PMFBP1: variants seen among roughly 807,000 people sequenced by gnomAD.
The protein encoded by PMFBP1 is polyamine-modulated factor 1-binding protein 1.
PMFBP1 carries 131 observed loss-of-function variants against 137.8 expected under a neutral mutation model. The observed-to-expected ratio is 0.95, with a 90% CI of 0.82 to 1.10. The LOEUF is 1.10. Ranked by LOEUF, PMFBP1 falls within the 50% of genes least tolerant of loss-of-function variation. PMFBP1 has a pLI of 0.00. For synonymous variants in PMFBP1, 490 were observed against 450.4 expected (o/e 1.09, Z -1.11); for missense variants, 1,199 against 1,175.4 (o/e 1.02, Z -0.29).
chr16:72,131,448 T>C (rs2042548169), intron 10 of PMFBP1, among the ~76,000 whole-genome samples: 1 of 152,184 alleles, frequency 6.6e-6, no homozygotes, highest in Admixed American at 6.5e-5. Flanking sequence ...TACATTAGAA[T>C]AGAGAAAAAC....
At chr16:72,163,329 T>A (rs1213207124) in intron 3 of PMFBP1, among the ~76,000 whole-genome samples, 1 of 152,368 alleles carries the variant, frequency 6.6e-6, no homozygotes, top group South Asian at 2.1e-4. Flanking sequence ...ATTTAGAGAC[T>A]GACTTAAAGA....
At chr16:72,230,201 G>C in the PMFBP1 span, among the ~76,000 whole-genome samples, 1 of 152,074 alleles carries the variant, frequency 6.6e-6, no homozygotes, top group African/African-American at 2.4e-5. Flanking sequence ...CCAAGTTTAG[G>C]AAATATTTAA....
chr16:72,165,018 T>C (rs2144504317), intron 2 of PMFBP1, 102 bp from the exon 3 acceptor site: 9 of 1,304,776 alleles, frequency 6.9e-6, no homozygotes, highest in Non-Finnish European at 9.2e-6. Flanking sequence ...TGCTGGAAAT[T>C]TGTCCATCAA....
the PMFBP1 span, among the ~76,000 whole-genome samples, chr16:72,217,833 T>A: frequency 6.7e-6 from 1 of 149,564 alleles, no homozygotes; most frequent in Non-Finnish European, 1.5e-5. Context: ...AGTGAAAGTT[T>A]GTCTCAAAAA....
At chr16:72,190,489 G>T in the PMFBP1 span, among the ~76,000 whole-genome samples, 1 of 152,170 alleles carries the variant, frequency 6.6e-6, no homozygotes, top group Admixed American at 6.5e-5. Context: ...TACTGATGAA[G>T]AACTGATGGG....
At chr16:72,155,081 T>C (rs1251121095) in intron 3 of PMFBP1, among the ~76,000 whole-genome samples, 1 of 152,120 alleles carries the variant, frequency 6.6e-6, no homozygotes, top group Non-Finnish European at 1.5e-5. Context: ...ATCCACAATC[T>C]ATCTGAAATG....
At chr16:72,186,497 T>G in the PMFBP1 span, among the ~76,000 whole-genome samples, 1 of 152,094 alleles carries the variant, frequency 6.6e-6, no homozygotes, top group Non-Finnish European at 1.5e-5. Context: ...GAGCTGTAGA[T>G]GCGAGAATTC....
At chr16:72,142,315 T>C (rs1158348767) in intron 5 of PMFBP1, among the ~76,000 whole-genome samples, 1 of 152,120 alleles carries the variant, frequency 6.6e-6, no homozygotes, top group Admixed American at 6.6e-5. Context: ...TGGAAACTAA[T>C]TTAGAAGGAA....
chr16:72,213,774 AT>A, the PMFBP1 span, among the ~76,000 whole-genome samples: 2 of 152,256 alleles, frequency 1.3e-5, no homozygotes, highest in Admixed American at 1.3e-4. Context: ...GAAAACTGAT[AT>A]GATGGAATCT....
At position 72,170,338 on chromosome 16, in the gene PMFBP1, A is replaced by G. The variant is rs185456892; in HGVS notation, c.12+859T>C. ...CTCACCTCTTGGTAGGAGGTCTGTTAAAAAGCATATGGTACATGGGACAAT... is the reference window on the plus strand; with the variant it reads ...CTCACCTCTTGGTAGGAGGTCTGTTGAAAAGCATATGGTACATGGGACAAT... On this transcript the variant is annotated intron_variant, in intron 2 of 20. Coordinates refer to ENST00000237353, the MANE Select transcript of PMFBP1 (RefSeq NM_031293.3). 2.0e-5 allele frequency among the ~76,000 whole-genome samples: 3 copies of G among 152,120 alleles called. No homozygotes were observed. The East Asian group carries it at 5.8e-4, about 29-fold the overall frequency.
chr16:72,201,927 T>C, the PMFBP1 span, among the ~76,000 whole-genome samples: 13 of 152,330 alleles, frequency 8.5e-5, no homozygotes, highest in South Asian at 1.7e-3. Context: ...CTCATTTTCC[T>C]CCACCAAACT....
In PMFBP1 at chr16:72,123,000, T is replaced by G. The variant is rs775365417; in HGVS notation, c.2694-12A>C. 4 of 1,611,026 alleles carry G rather than the reference T, an allele frequency of 2.5e-6. No homozygotes were observed. The African/African-American group carries it at 5.3e-5, about 22-fold the overall frequency. ...TCTCATTGGCGACCCTGTAATAAAA[T>G]CACAGGAGAAAACAGCAGCCAGTCG... On this transcript the variant is annotated splice_polypyrimidine_tract_variant and intron_variant, in intron 18 of 20. Coordinates refer to ENST00000237353, the MANE Select transcript of PMFBP1 (RefSeq NM_031293.3).
At chr16:72,217,800 C>G in the PMFBP1 span, among the ~76,000 whole-genome samples, 3 of 152,066 alleles carry the variant, frequency 2.0e-5, no homozygotes, top group African/African-American at 4.8e-5. Context: ...TTGCAGTGAG[C>G]CAAGATCAGC....
At chr16:72,217,194 T>C in the PMFBP1 span, among the ~76,000 whole-genome samples, 1 of 152,186 alleles carries the variant, frequency 6.6e-6, no homozygotes, top group Non-Finnish European at 1.5e-5. Flanking sequence ...TGGTAAGGGT[T>C]TAACAACTGA....
At chr16:72,212,089 A>G in the PMFBP1 span, among the ~76,000 whole-genome samples, 3 of 152,188 alleles carry the variant, frequency 2.0e-5, no homozygotes. Flanking sequence ...GCAAGATGTA[A>G]TAGAAAATAG....
chr16:72,139,207 A>G (rs2042678192), intron 7 of PMFBP1, 82 bp downstream of exon 7: 13 of 963,606 alleles, frequency 1.3e-5, no homozygotes, highest in Non-Finnish European at 2.0e-5. Flanking sequence ...GTCATATAAA[A>G]ATAAAAAATA....
chr16:72,183,265 T>C, the PMFBP1 span, among the ~76,000 whole-genome samples: 35 of 152,380 alleles, frequency 2.3e-4, no homozygotes, highest in Non-Finnish European at 4.0e-4. Context: ...AAGTCTCATA[T>C]GCAGGCATAT....
chr16:72,187,225 C>G, the PMFBP1 span, among the ~76,000 whole-genome samples: 4 of 152,040 alleles, frequency 2.6e-5, no homozygotes, highest in African/African-American at 9.7e-5. Flanking sequence ...TTAAAATAAT[C>G]ATTAGGACAA....
the PMFBP1 span, among the ~76,000 whole-genome samples, chr16:72,226,872 C>T: frequency 0.033 from 4,978 of 152,178 alleles, 268 homozygotes; most frequent in African/African-American, 0.11. Flanking sequence ...CATAATAATG[C>T]TCACCTAAAA....
Sources: allele counts gnomAD v4.1 joint callset (sites outside exome capture counted in the v4.1 genomes callset), GRCh38; gene constraint gnomAD v4.1.1; transcripts MANE v1.5; gene names NCBI Gene and HGNC (gene_info 2026-07-23, HGNC 2026-07-21).